DEPDC5: variants seen among roughly 807,000 people sequenced by gnomAD.
DEPDC5 encodes GATOR1 complex protein DEPDC5.
A neutral mutation model predicts 217.3 loss-of-function variants in DEPDC5; 73 were observed. That is an observed-to-expected ratio of 0.34 (90% CI 0.28 to 0.41). The LOEUF (loss-of-function observed/expected upper bound fraction) is 0.41. DEPDC5 is among the 10% of genes least tolerant of loss of function. DEPDC5 has a pLI of 1.00. For missense variants in DEPDC5, 1,675 were observed against 2,070.1 expected, an observed-to-expected ratio of 0.81 and a Z score of 3.70; for synonymous variants, 733 against 756.7, an observed-to-expected ratio of 0.97 and a Z score of 0.51.
intron 21 of DEPDC5, 131 bp downstream of exon 21, chr22:31,815,343 G>A: frequency 1.1e-6 from 1 of 897,296 alleles, no homozygotes; most frequent in Non-Finnish European, 1.8e-6. Flanking sequence ...AGTGCAGTAG[G>A]TACAAATCAC....
intron 35 of DEPDC5, chr22:31,873,981 C>T (rs764317771): frequency 3.7e-5 from 11 of 300,006 alleles, no homozygotes; most frequent in African/African-American, 9.2e-5. Flanking sequence ...TTAGTAGAGA[C>T]GGGGTTTCGC....
chr22:31,856,153 G>GCACACACACACACACACA (rs771652884), intron 31 of DEPDC5, among the ~76,000 whole-genome samples: 1 of 108,166 alleles, frequency 9.2e-6, no homozygotes, highest in African/African-American at 3.3e-5. Flanking sequence ...TTGGGCCAAC[G>GCACACACACACACACACA]CGCACACACA....
chr22:31,875,894 A>G (rs1001020088), intron 36 of DEPDC5: 9 of 313,022 alleles, frequency 2.9e-5, no homozygotes, highest in African/African-American at 6.4e-5. Context: ...CAGCCTCCCA[A>G]AGTGCTGGGG....
intron 38 of DEPDC5, 124 bp downstream of exon 38, chr22:31,879,876 C>A: frequency 1.1e-6 from 1 of 927,908 alleles, no homozygotes; most frequent in South Asian, 1.6e-5. Flanking sequence ...GTCACACAGG[C>A]CACTGTGTCT....
intron 9 of DEPDC5, 66 bp downstream of exon 9, chr22:31,784,051 T>G: frequency 2.2e-6 from 3 of 1,336,866 alleles, no homozygotes; most frequent in Non-Finnish European, 3.1e-6. Flanking sequence ...AAATGCTAAT[T>G]CATGAATGCC....
chr22:31,802,835 A>G lies in DEPDC5; in HGVS notation c.1078A>G (p.Asn360Asp), dbSNP rs751948408. The G allele has an allele frequency of 8.1e-6, 13 of 1,600,532 alleles. No homozygotes were observed. In the East Asian group the frequency reaches 2.9e-4, roughly 36 times the overall value. The part of the protein sequence containing the change: ...MILTKQRMID[N>D]GIGVDLVCMG... ...CCTGACCAAGCAGCGGATGATAGAT[A>G]ATGGTAATGCTCTCTGGTTTGTGCC... is the stretch of plus-strand genomic sequence containing the variant. Residue 360 changes from asparagine to aspartate, a missense_variant, in exon 15 of 43, where the codon AAT (asparagine) becomes GAT (aspartate). Around this residue, in one of 11 missense-constraint regions of DEPDC5, gnomAD observed 628 missense variants for 762.1 expected, o/e 0.82. Transcript: ENST00000651528.
At chr22:31,894,276 G>A (rs528314568) in intron 39 of DEPDC5, 3 of 150,218 alleles carry the variant, frequency 2.0e-5, no homozygotes, top group Admixed American at 6.6e-5. Context: ...TTTTTTTTCA[G>A]CAGAGATGGT....
intron 20 of DEPDC5, among the ~76,000 whole-genome samples, chr22:31,811,177 C>T (rs902744769): frequency 3.3e-5 from 5 of 152,170 alleles, no homozygotes; most frequent in African/African-American, 1.2e-4. Context: ...TCAAGCGATT[C>T]TCCTGCCTCA....
chr22:31,799,106 C>T (rs999617413), intron 14 of DEPDC5, among the ~76,000 whole-genome samples: 1 of 148,256 alleles, frequency 6.7e-6, no homozygotes, highest in East Asian at 2.0e-4. Context: ...TGCAGTGATG[C>T]GATCTTGGCT....
chr22:31,783,697 A>G (rs181275616), intron 8 of DEPDC5, among the ~76,000 whole-genome samples: 39 of 152,218 alleles, frequency 2.6e-4, no homozygotes, highest in Non-Finnish European at 3.8e-4. Context: ...GAAGTCCAAC[A>G]TTGCAAGATT....
At chr22:31,890,310 G>A (rs1202210769) in intron 38 of DEPDC5, 1 of 152,048 alleles carries the variant, frequency 6.6e-6, no homozygotes, top group Non-Finnish European at 1.5e-5. Flanking sequence ...GCATGTTCTA[G>A]GTTTTTGTTT....
At chr22:31,781,237 A>AC (rs942262492) in intron 8 of DEPDC5, among the ~76,000 whole-genome samples, 27 of 151,396 alleles carry the variant, frequency 1.8e-4, no homozygotes, top group African/African-American at 6.0e-4. Flanking sequence ...AAACAAACAA[A>AC]AAAAAAAAAA....
intron 12 of DEPDC5, among the ~76,000 whole-genome samples, chr22:31,797,066 T>C (rs1162186510): frequency 4.6e-5 from 7 of 151,538 alleles, no homozygotes; most frequent in Non-Finnish European, 1.0e-4. Flanking sequence ...GAATCTTTTT[T>C]TTTTTTGAGA....
intron 20 of DEPDC5, 97 bp downstream of exon 20, chr22:31,810,738 G>C: frequency 6.6e-7 from 1 of 1,517,942 alleles, no homozygotes; most frequent in Non-Finnish European, 8.9e-7. Context: ...TGAAAATCTT[G>C]TTTTGTTTTG....
At chr22:31,840,693 T>G (rs1294105512) in intron 27 of DEPDC5, among the ~76,000 whole-genome samples, 1 of 152,166 alleles carries the variant, frequency 6.6e-6, no homozygotes, top group Non-Finnish European at 1.5e-5. Flanking sequence ...CTGTGATAAA[T>G]TTAATCTCTC....
At chr22:31,862,634 G>A (rs1236898867) in intron 33 of DEPDC5, among the ~76,000 whole-genome samples, 5 of 152,166 alleles carry the variant, frequency 3.3e-5, no homozygotes, top group Admixed American at 2.6e-4. Flanking sequence ...TGGTTAGTGG[G>A]CATATAGCTA....
At chr22:31,793,292 G>A (rs1477754911) in intron 12 of DEPDC5, among the ~76,000 whole-genome samples, 1 of 151,894 alleles carries the variant, frequency 6.6e-6, no homozygotes, top group Non-Finnish European at 1.5e-5. Context: ...TTTAGCACTC[G>A]TACTTGCCGT....
At chr22:31,829,937 C>G (rs73404160) in intron 24 of DEPDC5, among the ~76,000 whole-genome samples, 3,922 of 152,262 alleles carry the variant, frequency 0.026, 186 homozygotes, top group African/African-American at 0.09. Flanking sequence ...AAGTGGATGC[C>G]ATGTTTTCTT....
intron 8 of DEPDC5, among the ~76,000 whole-genome samples, chr22:31,779,290 T>C (rs1284739064): frequency 2.0e-5 from 3 of 152,244 alleles, no homozygotes; most frequent in African/African-American, 4.8e-5. Context: ...TAAATACATG[T>C]ATGTTTGTGC....
Sources: allele counts gnomAD v4.1 joint callset (sites outside exome capture counted in the v4.1 genomes callset), GRCh38; gene constraint gnomAD v4.1.1; regional missense constraint gnomAD v4.1.1; transcripts MANE v1.5; gene names NCBI Gene and HGNC (gene_info 2026-07-23, HGNC 2026-07-21).